PRELID1: variants seen among roughly 807,000 people sequenced by gnomAD.
PRELID1 encodes the protein PRELI domain-containing protein 1, mitochondrial.
PRELID1 carries 15 observed loss-of-function variants against 29.0 expected under a neutral mutation model. The observed-to-expected ratio is 0.52, with a 90% CI of 0.35 to 0.80. The LOEUF (loss-of-function observed/expected upper bound fraction) is 0.80, where lower values mean the gene tolerates loss of function less well. PRELID1 is among the 30% of genes least tolerant of loss of function. The pLI is 0.01. For synonymous variants in PRELID1, 79 were observed against 106.5 expected (o/e 0.74, Z 1.59); for missense variants, 187 against 275.9 (o/e 0.68, Z 2.28).
chr5:177,304,868 G>C lies in PRELID1; in HGVS notation c.318+18G>C. 15 of 1,579,878 alleles carry C rather than the reference G, an allele frequency of 9.5e-6. No individual in the cohort carries two copies. The highest frequency in any genetic ancestry group is 1.3e-5 in the Non-Finnish European group (15 of 1,155,772). ...GGCTGATGGTGAGACACCTCCTGTTGTGATTCTGCACCTCCCCCTCTCCCC... is the reference window on the plus strand; with the variant it reads ...GGCTGATGGTGAGACACCTCCTGTTCTGATTCTGCACCTCCCCCTCTCCCC... On this transcript the variant is annotated intron_variant, in intron 2 of 4. Transcript: ENST00000303204.
Position 177,305,962 on chromosome 5 carries a change from T to C in PRELID1, c.410T>C (p.Phe137Ser). ...GAAGCCTGGGTCTCCTCTAGCTTATTTGGTGTCTCCAGAGCTGTCCAGGTG... is the reference window on the plus strand; with the variant it reads ...GAAGCCTGGGTCTCCTCTAGCTTATCTGGTGTCTCCAGAGCTGTCCAGGTG... ...RREAWVSSSL[F>S]GVSRAVQEFG... Residue 137 changes from phenylalanine to serine, a missense_variant, in exon 3 of 5, where the codon TTT (phenylalanine) becomes TCT (serine). Coordinates refer to ENST00000303204, the MANE Select transcript of PRELID1 (RefSeq NM_013237.4). 6.2e-6 allele frequency: 10 copies of C among 1,614,124 alleles called. No homozygotes were observed. The highest frequency in any genetic ancestry group is 8.5e-6 in the Non-Finnish European group (10 of 1,179,982).
chr5:177,305,848 G>A lies in PRELID1; in HGVS notation c.319-23G>A, dbSNP rs567954213. 173 of 1,598,404 alleles carry A rather than the reference G, an allele frequency of 1.1e-4. 1 individual carries two copies. In the South Asian group the frequency reaches 1.7e-3, roughly 16 times the overall value. On this transcript the variant is annotated intron_variant, in intron 2 of 4. Transcript: ENST00000303204. ...TTGGCAAAATGAAAGACTGTTCCAC[G>A]ATTGTGGTTGGCCTCTGCATAGGTG...
At chr5:177,304,165 G>C (rs1483961151) in intron 1 of PRELID1, 88 bp downstream of exon 1, 2 of 1,265,634 alleles carry the variant, frequency 1.6e-6, no homozygotes, top group Non-Finnish European at 2.2e-6. Flanking sequence ...GGACCAGGAA[G>C]GACTCGATAT....
At chr5:177,305,613 G>T in intron 2 of PRELID1, 1 of 493,912 alleles carries the variant, frequency 2.0e-6, no homozygotes, top group Non-Finnish European at 3.7e-6. Flanking sequence ...GGAGCAGGAT[G>T]GGCTGGAAGG....
At chr5:177,304,136 G>T in intron 1 of PRELID1, 59 bp downstream of exon 1, 1 of 1,480,966 alleles carries the variant, frequency 6.8e-7, no homozygotes. Flanking sequence ...ATCGAATTAT[G>T]GGTAACCCCC....
Position 177,304,609 on chromosome 5 carries a change from A to C in PRELID1, c.93-16A>C, listed in dbSNP as rs551345033. On this transcript the variant is annotated splice_polypyrimidine_tract_variant and intron_variant, in intron 1 of 4. Transcript: ENST00000303204. ...GGGCAAGCTTCTGAGGGTCACCTTC[A>C]CCCTGACACCTGCAGCAAACATGTC... 2.5e-6 allele frequency: 4 copies of C among 1,601,318 alleles called. No homozygotes were observed. The Admixed American group carries it at 6.7e-5, about 27-fold the overall frequency.
rs138941152 is a variant in PRELID1 at position 177,306,128 on chromosome 5, G to A, written c.463G>A (p.Val155Met). The change falls in exon 4 of 5, where the codon GTG becomes ATG. Residue 155 changes from valine to methionine, a missense_variant. Coordinates refer to ENST00000303204, the MANE Select transcript of PRELID1 (RefSeq NM_013237.4). ...TGGTCTTGCCCGATTCAAAAGCAAC[G>A]TGACCAAGACTATGAAGGGTTTTGA... is the stretch of plus-strand genomic sequence containing the variant. ...EFGLARFKSNVTKTMKGFEYI... is the reference protein window; with the variant it reads ...EFGLARFKSNMTKTMKGFEYI... The A allele has an allele frequency of 1.1e-5, 17 of 1,613,800 alleles. 1 individual carries two copies. Among genetic ancestry groups the A allele is most frequent in the South Asian group, 9.9e-5 (9 of 91,078 alleles).
chr5:177,304,487 T>A, intron 1 of PRELID1, 138 bp from the exon 2 acceptor site: 1 of 788,462 alleles, frequency 1.3e-6, no homozygotes, highest in Admixed American at 2.0e-5. Flanking sequence ...AACTCTGGTT[T>A]GAACCATAGC....
chr5:177,305,783 G>A (rs188208293), intron 2 of PRELID1, 88 bp from the exon 3 acceptor site: 73 of 1,064,956 alleles, frequency 6.9e-5, no homozygotes, highest in Non-Finnish European at 4.7e-5. Context: ...GTATTGCTTC[G>A]CCTCATGAAA....
In PRELID1 at chr5:177,306,561, G is replaced by T. The variant is rs775089583; in HGVS notation, c.651G>T (p.Gln217His). The T allele has an allele frequency of 9.3e-6, 15 of 1,609,674 alleles. No homozygotes were observed. In the South Asian group the frequency reaches 1.3e-4, roughly 14 times the overall value. ...CCAAGAAGCAGCAGCAGCAGCAACA[G>T]TTTGTGTAGCCAGTCTACCACCACC... Reference protein sequence around the residue: ...AATKKQQQQQQFV With the variant: ...AATKKQQQQQHFV The change falls in exon 5 of 5, where the codon CAG becomes CAT. Residue 217 changes from glutamine (Q) to histidine (H), a missense_variant. Gln to His is a conservative substitution (Grantham distance 24, BLOSUM62 0). Transcript: ENST00000303204.
Position 177,304,132 on chromosome 5 carries a change from T to TTA in PRELID1, c.92+57_92+58dup, listed in dbSNP as rs537300922. On this transcript the variant is annotated intron_variant, in intron 1 of 4. Coordinates refer to ENST00000303204, the MANE Select transcript of PRELID1 (RefSeq NM_013237.4). ...GCCATCTCGCTATCTGGAGATCGAA[T>TTA]TATGGGTAACCCCCAAGTACTGGGA... is the stretch of plus-strand genomic sequence containing the variant. 1,407 of 1,500,576 alleles carry TTA rather than the reference T, an allele frequency of 9.4e-4. 7 individuals are homozygous for TTA. Among genetic ancestry groups the TTA allele is most frequent in the African/African-American group, 6.8e-3 (497 of 72,760 alleles). 93.0% of individuals were successfully genotyped at this position (1,500,576 alleles called of 1,614,324 possible).
rs1329423906 is a variant in PRELID1 at position 177,304,842 on chromosome 5, C to T, written c.310C>T (p.Arg104Trp). 6.2e-7 allele frequency: 1 copy of T among 1,609,078 alleles called. No individual in the cohort carries two copies. The highest frequency in any genetic ancestry group is 1.3e-5 in the African/African-American group (1 of 74,798). ...TTFTWNINHA[R>W]LMVVEERCVY... ...CTTCACCTGGAACATCAACCACGCCCGGCTGATGGTGAGACACCTCCTGTT... is the reference window on the plus strand; with the variant it reads ...CTTCACCTGGAACATCAACCACGCCTGGCTGATGGTGAGACACCTCCTGTT... Residue 104 changes from arginine to tryptophan, a missense_variant, in exon 2 of 5, where the codon CGG becomes TGG. Physicochemically the swap from Arg to Trp is moderately radical, Grantham distance 101 (BLOSUM62 -3). Coordinates refer to ENST00000303204, the MANE Select transcript of PRELID1 (RefSeq NM_013237.4).
Position 177,303,806 on chromosome 5 carries a change from C to T in PRELID1, c.-180C>T. 1 of 438,812 alleles carries T rather than the reference C, an allele frequency of 2.3e-6. No homozygotes were observed. Among genetic ancestry groups the T allele is most frequent in the Non-Finnish European group, 3.9e-6 (1 of 259,108 alleles). 27.2% of individuals were successfully genotyped at this position (438,812 alleles called of 1,614,324 possible). A position where few individuals can be genotyped will look rare whatever the true frequency, so the allele number is the denominator to read the frequency against. On this transcript the variant is annotated 5_prime_UTR_variant, in exon 1 of 5. Transcript: ENST00000303204. This position sits in a 1 kb window ranked among gnomAD's most constrained non-coding sequence, Gnocchi z 6.1. ...GGCTGCGCCGGAAGTGGCGCGCGGC[C>T]GGACAACTCATGGCGGCGGCGGCGG... is the stretch of plus-strand genomic sequence containing the variant.
intron 2 of PRELID1, 120 bp from the exon 3 acceptor site, chr5:177,305,749 CAG>C (rs1468581437): frequency 1.6e-5 from 13 of 799,810 alleles, no homozygotes; most frequent in South Asian, 1.2e-4. Flanking sequence ...GAGGTGCAGT[CAG>C]GGGAAGGAAT....
Position 177,303,886 on chromosome 5 carries a change from C to T in PRELID1, c.-100C>T, listed in dbSNP as rs1341435641. The stretch of plus-strand genomic sequence containing the variant: ...GGTGACTGAGCTACGAGCCTGGCGG[C>T]GGGTGTGCGCCGAGCCCCGGCCCGG... On this transcript the variant is annotated 5_prime_UTR_variant, in exon 1 of 5. Transcript: ENST00000303204. This position sits in a 1 kb window ranked among gnomAD's most constrained non-coding sequence, Gnocchi z 6.1. The T allele has an allele frequency of 3.7e-5, 36 of 981,444 alleles. No individual in the cohort carries two copies. The highest frequency in any genetic ancestry group is 4.9e-5 in the Non-Finnish European group (33 of 676,906). The allele number at this position is 981,444 out of a possible 1,614,324, so 60.8% of individuals were successfully genotyped here.
At chr5:177,306,209 G>A in intron 4 of PRELID1, 33 bp downstream of exon 4, 2 of 1,594,472 alleles carry the variant, frequency 1.3e-6, no homozygotes. Flanking sequence ...ATTCCTCATA[G>A]GGAGAGGCTC....
At chr5:177,304,407 TC>T in intron 1 of PRELID1, 1 of 659,092 alleles carries the variant, frequency 1.5e-6, no homozygotes, top group Non-Finnish European at 2.8e-6. Context: ...TGAGGTCCAT[TC>T]CTGCTAGAAG....
At chr5:177,304,179 A>G in intron 1 of PRELID1, 102 bp downstream of exon 1, 6 of 1,131,740 alleles carry the variant, frequency 5.3e-6, no homozygotes, top group Non-Finnish European at 7.7e-6. Context: ...TCGATATCGA[A>G]TCCTAGGTAG....
intron 4 of PRELID1, 22 bp from the exon 5 acceptor site, chr5:177,306,400 A>G: frequency 6.2e-7 from 1 of 1,613,832 alleles, no homozygotes; most frequent in East Asian, 2.2e-5. Context: ...TTCTAAAGGC[A>G]GCCACCTGCC....
Sources: allele counts gnomAD v4.1 joint callset, GRCh38; gene constraint gnomAD v4.1.1; non-coding constraint Gnocchi (gnomAD v3.1); transcripts MANE v1.5; gene names NCBI Gene and HGNC (gene_info 2026-07-23, HGNC 2026-07-21).